Variants in HEPHL1 observed in about 807,000 individuals in gnomAD.
The protein encoded by HEPHL1 is hephaestin like 1, also known as ferroxidase HEPHL1.
Under a neutral mutation model 122.0 loss-of-function variants are expected in HEPHL1, and 123 were observed. That is an observed-to-expected ratio of 1.01 (90% CI 0.87 to 1.17). The LOEUF is 1.17. Ranked by LOEUF, HEPHL1 falls within the 50% of genes most tolerant of loss-of-function variation. The pLI, the probability that HEPHL1 is intolerant of heterozygous loss-of-function variation, is 0.00. For synonymous variants in HEPHL1, 527 were observed against 508.9 expected (o/e 1.04, Z -0.48); for missense variants, 1,452 against 1,430.5 (o/e 1.01, Z -0.24).
intron 13 of HEPHL1, among the ~76,000 whole-genome samples, chr11:94,098,494 T>A (rs150331023): frequency 1.3e-5 from 2 of 152,152 alleles, no homozygotes; most frequent in Non-Finnish European, 2.9e-5. Flanking sequence ...ATGTGTCTTG[T>A]AGTTGCTCTT....
At chr11:94,048,537 T>G (rs188237761) in intron 2 of HEPHL1, among the ~76,000 whole-genome samples, 4 of 152,110 alleles carry the variant, frequency 2.6e-5, no homozygotes, top group Admixed American at 6.5e-5. Flanking sequence ...TTTTTAAAAT[T>G]TTTTCATAGA....
chr11:94,110,489 C>T (rs1946439781), intron 17 of HEPHL1, among the ~76,000 whole-genome samples: 1 of 152,158 alleles, frequency 6.6e-6, no homozygotes, highest in Admixed American at 6.5e-5. Flanking sequence ...TGGCTTCCTC[C>T]AGTGAGTAAT....
chr11:94,029,678 TC>T (rs35017034), intron 1 of HEPHL1, among the ~76,000 whole-genome samples: 1 of 151,970 alleles, frequency 6.6e-6, no homozygotes, highest in East Asian at 1.9e-4. Flanking sequence ...GAAAACCCAA[TC>T]CCCCCTTGGG....
In HEPHL1 at chr11:94,023,650, T is replaced by C. The variant is rs962420864; in HGVS notation, c.170+2112T>C. Among the ~76,000 whole-genome samples, 113 of 152,204 alleles carry C rather than the reference T, an allele frequency of 7.4e-4. 1 individual carries two copies. The highest frequency in any genetic ancestry group is 2.5e-3 in the African/African-American group (103 of 41,462). On this transcript the variant is annotated intron_variant, in intron 1 of 19. Transcript: ENST00000315765. ...CAAAATGCATGGTCCCATATGATAGTGCGTTTGTTCTTAGAAGCAGCTGGC... is the reference window on the plus strand; with the variant it reads ...CAAAATGCATGGTCCCATATGATAGCGCGTTTGTTCTTAGAAGCAGCTGGC...
At chr11:94,090,519 G>A (rs1946257044) in intron 12 of HEPHL1, among the ~76,000 whole-genome samples, 1 of 152,178 alleles carries the variant, frequency 6.6e-6, no homozygotes, top group Non-Finnish European at 1.5e-5. Context: ...TGCTGGTGGG[G>A]AAGGGGGTGC....
At position 94,104,536 on chromosome 11, in the gene HEPHL1, T is replaced by A; in HGVS notation, c.2691T>A (p.Tyr897Ter). 6.2e-7 allele frequency: 1 copy of A among 1,609,314 alleles called. No homozygotes were observed. The highest frequency in any genetic ancestry group is 8.5e-7 in the Non-Finnish European group (1 of 1,175,696). ...TTTATTTTTTCTTCCAGGATACGTA[T>A]AGTGGTTTGATGGGTCCTCTGATTA... ...YSTVNFVKDT[Y>*]SGLMGPLITC... Residue 897 changes from tyrosine (Y) to a stop codon, truncating the protein, a stop_gained, in exon 16 of 20, where the codon TAT becomes TAA. Transcript: ENST00000315765. LOFTEE classifies it high-confidence loss of function.
intron 1 of HEPHL1, among the ~76,000 whole-genome samples, chr11:94,032,372 TG>T (rs1163291261): frequency 6.6e-6 from 1 of 152,216 alleles, no homozygotes; most frequent in African/African-American, 2.4e-5. Context: ...TTACGTGGTC[TG>T]GGGCAGGCTG....
chr11:94,045,528 A>C, intron 1 of HEPHL1, 145 bp from the exon 2 acceptor site: 1 of 654,452 alleles, frequency 1.5e-6, no homozygotes, highest in Non-Finnish European at 2.5e-6. Context: ...AATTGAGGAT[A>C]ATCTTCCGAG....
rs1946095172 is a variant in HEPHL1 at position 94,073,449 on chromosome 11, A to G, written c.1504+10A>G. 1 of 1,551,696 alleles carries G rather than the reference A, an allele frequency of 6.4e-7. No homozygotes were observed. On this transcript the variant is annotated intron_variant, in intron 8 of 19. Coordinates refer to ENST00000315765, the MANE Select transcript of HEPHL1 (RefSeq NM_001098672.2). ...GCCCCAAACCTAGATGGTAAGTCTC[A>G]CTCTGGGCTTAGGGAGGAAACAGGA...
chr11:94,108,239 TA>T (rs1001348986), intron 17 of HEPHL1, among the ~76,000 whole-genome samples: 1 of 152,082 alleles, frequency 6.6e-6, no homozygotes, highest in South Asian at 2.1e-4. Context: ...TAAGCCCATT[TA>T]AAAAAATTGG....
At chr11:94,106,293 CTTTTT>C in intron 17 of HEPHL1, among the ~76,000 whole-genome samples, 163 bp downstream of exon 17, 1 of 121,966 alleles carries the variant, frequency 8.2e-6, no homozygotes, top group Admixed American at 8.5e-5. Flanking sequence ...TATTTCTTTT[CTTTTT>C]TTTTTTTTTT....
intron 1 of HEPHL1, among the ~76,000 whole-genome samples, chr11:94,027,412 G>C (rs1281041478): frequency 6.6e-6 from 1 of 152,196 alleles, no homozygotes; most frequent in African/African-American, 2.4e-5. Flanking sequence ...CAGCTCTCGT[G>C]GTAGCTCTGC....
At chr11:94,079,762 A>G (rs1434039044) in intron 9 of HEPHL1, among the ~76,000 whole-genome samples, 1 of 152,182 alleles carries the variant, frequency 6.6e-6, no homozygotes, top group Non-Finnish European at 1.5e-5. Context: ...CCGGAATACC[A>G]TTAGATGAGA....
intron 4 of HEPHL1, 54 bp downstream of exon 4, chr11:94,064,564 A>G: frequency 3.4e-6 from 4 of 1,171,298 alleles, no homozygotes; most frequent in Non-Finnish European, 3.7e-6. Flanking sequence ...ACTATAAGGT[A>G]CTACAAGGGA....
chr11:94,090,040 T>A (rs1213528244), intron 12 of HEPHL1, among the ~76,000 whole-genome samples: 1 of 152,146 alleles, frequency 6.6e-6, no homozygotes, highest in East Asian at 1.9e-4. Flanking sequence ...TCTTTTCTTA[T>A]TTATTGGCCT....
chr11:94,086,262 G>T, intron 11 of HEPHL1, 73 bp downstream of exon 11: 1 of 1,124,078 alleles, frequency 8.9e-7, no homozygotes, highest in Non-Finnish European at 1.3e-6. Context: ...TTCTCCCACA[G>T]AAGAAATTGG....
In HEPHL1 at chr11:94,111,717, T is replaced by G. The variant is rs1330868024; in HGVS notation, c.3303T>G (p.Tyr1101Ter). Reference protein sequence around the residue: ...SNERPGKEQLYFFGKNLGPTG... With the variant: ...SNERPGKEQL ...AACGACCTGGCAAAGAGCAGCTCTA[T>G]TTCTTTGGCAAGAATCTGGGTCCAA... Residue 1101 changes from tyrosine (Y) to a stop codon, truncating the protein, a stop_gained, in exon 20 of 20, where the codon TAT (tyrosine) becomes TAG (stop). Coordinates refer to ENST00000315765, the MANE Select transcript of HEPHL1 (RefSeq NM_001098672.2). LOFTEE classifies it high-confidence loss of function. 5 of 1,608,720 alleles carry G rather than the reference T, an allele frequency of 3.1e-6. No homozygotes were observed. Among genetic ancestry groups the G allele is most frequent in the Non-Finnish European group, 4.2e-6 (5 of 1,177,240 alleles).
At position 94,111,673 on chromosome 11, in the gene HEPHL1, A is replaced by T; in HGVS notation, c.3278-19A>T. On this transcript the variant is annotated intron_variant, in intron 19 of 19. Coordinates refer to ENST00000315765, the MANE Select transcript of HEPHL1 (RefSeq NM_001098672.2). ...CCCTCAAAAATGTCAGGGGCCTGAC[A>T]AGTTTATCTTTTTCACAGAACGACC... The T allele has an allele frequency of 6.2e-7, 1 of 1,612,966 alleles. No individual in the cohort carries two copies. The highest frequency in any genetic ancestry group is 8.5e-7 in the Non-Finnish European group (1 of 1,179,242).
intron 12 of HEPHL1, among the ~76,000 whole-genome samples, chr11:94,092,647 C>T (rs1360548452): frequency 6.6e-6 from 1 of 152,028 alleles, no homozygotes; most frequent in East Asian, 1.9e-4. Context: ...TCTGATGTGC[C>T]TTATACATGT....
Sources: allele counts gnomAD v4.1 joint callset (sites outside exome capture counted in the v4.1 genomes callset), GRCh38; gene constraint gnomAD v4.1.1; transcripts MANE v1.5; gene names NCBI Gene and HGNC (gene_info 2026-07-23, HGNC 2026-07-21).